ARHGAP30: variants seen among roughly 807,000 people sequenced by gnomAD.
The protein encoded by ARHGAP30 is rho GTPase-activating protein 30.
In ARHGAP30, 23 loss-of-function variants were observed where a neutral mutation model predicts 72.0. That is an observed-to-expected ratio of 0.32 (90% confidence interval 0.23 to 0.45). ARHGAP30 has a LOEUF of 0.45. Ranked by LOEUF, ARHGAP30 falls within the 20% of genes least tolerant of loss-of-function variation. The pLI, the probability that ARHGAP30 is intolerant of heterozygous loss-of-function variation, is 1.00. For missense variants in ARHGAP30, 1,319 were observed against 1,383.4 expected (o/e 0.95, Z 0.74); for synonymous variants, 576 against 528.2 (o/e 1.09, Z -1.24).
intron 6 of ARHGAP30, 34 bp from the exon 7 acceptor site, chr1:161,052,831 CA>C (rs1210980820): frequency 6.2e-7 from 1 of 1,602,804 alleles, no homozygotes; most frequent in Non-Finnish European, 8.5e-7. Flanking sequence ...CAGCCAGGAA[CA>C]GAGCCAAGAG....
In ARHGAP30 at chr1:161,062,202, A is replaced by G. The variant is rs185995201; in HGVS notation, c.98-2486T>C. 8.2e-4 allele frequency among the ~76,000 whole-genome samples: 124 copies of G among 152,028 alleles called. 2 individuals are homozygous for G. The highest frequency in any genetic ancestry group is 7.6e-3 in the Admixed American group (116 of 15,250). Reference sequence around the variant, plus strand: ...AGATCCTTTGCCTCGCATACACCCCACTCTGCCCCACTTTAATCCCCATTG... The same window carrying G: ...AGATCCTTTGCCTCGCATACACCCCGCTCTGCCCCACTTTAATCCCCATTG... On this transcript the variant is annotated intron_variant, in intron 1 of 11. Transcript: ENST00000368013.
chr1:161,049,923 A>G (rs1198989249), intron 10 of ARHGAP30, among the ~76,000 whole-genome samples: 1 of 152,204 alleles, frequency 6.6e-6, no homozygotes, highest in Non-Finnish European at 1.5e-5. Context: ...TTTTTCCTCC[A>G]AACTATTATG....
rs769508729 is a variant in ARHGAP30, at chr1:161,051,683, G to A, written c.1051C>T (p.Arg351Trp). 8 of 1,611,352 alleles carry A rather than the reference G, an allele frequency of 5.0e-6. No homozygotes were observed. The highest frequency in any genetic ancestry group is 2.2e-5 in the South Asian group (2 of 90,956). ...PEGLVGPSSP[R>W]PSPLLPESLE... Reference sequence around the variant, plus strand: ...CTCTCAGGCAGCAATGGGCTTGGCCGGGGGCTGCTGGGCCCCACCAGCCCC... The same window carrying A: ...CTCTCAGGCAGCAATGGGCTTGGCCAGGGGCTGCTGGGCCCCACCAGCCCC... The change falls in exon 10 of 12, where the codon CGG becomes TGG. Residue 351 changes from arginine to tryptophan, a missense_variant. By Grantham distance (101) the Arg-to-Trp change is moderately radical. Coordinates refer to ENST00000368013, the MANE Select transcript of ARHGAP30 (RefSeq NM_001025598.2).
chr1:161,051,746 A>G (rs754990848), intron 9 of ARHGAP30, 31 bp from the exon 10 acceptor site: 29 of 1,560,894 alleles, frequency 1.9e-5, no homozygotes, highest in Non-Finnish European at 2.3e-5. Context: ...CAGGTAGGCA[A>G]TAGCCTAAAC....
rs778633183 is a variant in ARHGAP30, at chr1:161,048,701, G to T, written c.2320C>A (p.Gln774Lys). ...TTCTCCTCAGCAACTTGATCTTCCT[G>T]GGCCCCTTGCTCTAGGTCCCTTCCA... ...EAGRDLEQGAQEDQVAEEKWE... is the reference protein window; with the variant it reads ...EAGRDLEQGAKEDQVAEEKWE... The change falls in exon 12 of 12, where the codon CAG (glutamine) becomes AAG (lysine). Residue 774 changes from glutamine to lysine, a missense_variant. Physicochemically the swap from Gln to Lys is moderately conservative, Grantham distance 53. Around this residue, in one of 2 missense-constraint regions of ARHGAP30, gnomAD observed 1,097 missense variants for 1,045.2 expected, o/e 1.05. Coordinates refer to ENST00000368013, the MANE Select transcript of ARHGAP30 (RefSeq NM_001025598.2). 1 of 1,613,822 alleles carries T rather than the reference G, an allele frequency of 6.2e-7. No homozygotes were observed. Among genetic ancestry groups the T allele is most frequent in the South Asian group, 1.1e-5 (1 of 91,064 alleles).
intron 5 of ARHGAP30, among the ~76,000 whole-genome samples, chr1:161,054,089 A>G (rs536730466): frequency 6.6e-6 from 1 of 152,270 alleles, no homozygotes; most frequent in South Asian, 2.1e-4. Flanking sequence ...AAAAATTGAT[A>G]TGGAACTGTT....
chr1:161,052,511 C>T lies in ARHGAP30; in HGVS notation c.869G>A (p.Arg290Lys). The T allele has an allele frequency of 6.2e-7, 1 of 1,613,978 alleles. No individual in the cohort carries two copies. Among genetic ancestry groups the T allele is most frequent in the Non-Finnish European group, 8.5e-7 (1 of 1,180,032 alleles). The change falls in exon 8 of 12, where the codon AGG becomes AAG. Residue 290 changes from arginine to lysine, a missense_variant. This residue lies in a region of ARHGAP30 where 1,097 missense variants were observed against 1,045.2 expected (regional missense o/e 1.05). Transcript: ENST00000368013. Reference sequence around the variant, plus strand: ...AGAGCGACCTAAATTGAAGATAGACCTCCACTTCCTGACCTTCAAAGACCC... The same window carrying T: ...AGAGCGACCTAAATTGAAGATAGACTTCCACTTCCTGACCTTCAAAGACCC... Reference protein sequence around the residue: ...RKGSLKVRKWRSIFNLGRSGH... With the variant: ...RKGSLKVRKWKSIFNLGRSGH...
Position 161,051,407 on chromosome 1 carries a change from G to A in ARHGAP30, c.1327C>T (p.Leu443Phe), listed in dbSNP as rs770231346. ...GCAGGGCACTCAAGGCCACGGGTGA[G>A]CCTGGCCAAGGAAACGTTAGAGATG... Reference protein sequence around the residue: ...NIISNVSLARLTRGLECPALQ... With the variant: ...NIISNVSLARFTRGLECPALQ... The change falls in exon 10 of 12, where the codon CTC becomes TTC. Residue 443 changes from leucine to phenylalanine, a missense_variant. Leu to Phe is a conservative substitution (Grantham distance 22). Coordinates refer to ENST00000368013, the MANE Select transcript of ARHGAP30 (RefSeq NM_001025598.2). 1 of 1,614,140 alleles carries A rather than the reference G, an allele frequency of 6.2e-7. No individual in the cohort carries two copies. The highest frequency in any genetic ancestry group is 1.1e-5 in the South Asian group (1 of 91,084).
intron 10 of ARHGAP30, among the ~76,000 whole-genome samples, chr1:161,050,594 C>T (rs1013861650): frequency 1.3e-5 from 2 of 151,704 alleles, no homozygotes; most frequent in Admixed American, 1.3e-4. Context: ...CAGGTGTGAG[C>T]CACCGTGCCT....
In ARHGAP30 at chr1:161,048,664, A is replaced by T. The variant is rs952294388; in HGVS notation, c.2357T>A (p.Val786Glu). 57 of 1,613,638 alleles carry T rather than the reference A, an allele frequency of 3.5e-5. No individual in the cohort carries two copies. Among genetic ancestry groups the T allele is most frequent in the Non-Finnish European group, 4.7e-5 (55 of 1,179,996 alleles). Residue 786 changes from valine (V) to glutamate (E), a missense_variant, in exon 12 of 12, where the codon GTA (valine) becomes GAA (glutamate). By Grantham distance (121) the Val-to-Glu change is moderately radical. Transcript: ENST00000368013. ...DQVAEEKWEV[V>E]QKQEAEGVRE... ...GACTCCCTCAGCCTCTTGTTTCTGT[A>T]CAACTTCCCATTTCTCCTCAGCAAC... is the stretch of plus-strand genomic sequence containing the variant.
chr1:161,048,220 A>T lies in ARHGAP30; in HGVS notation c.2801T>A (p.Val934Asp). The change falls in exon 12 of 12, where the codon GTC becomes GAC. Residue 934 changes from valine to aspartate, a missense_variant. Val to Asp is a radical substitution (Grantham distance 152). Transcript: ENST00000368013. ...LASTLVQVQQ[V>D]RSVPVVPPKP... ...GGGGGGCACCACAGGCACAGAGCGG[A>T]CCTGTTGGACCTGAACCAGAGTGGA... 6.2e-7 allele frequency: 1 copy of T among 1,614,124 alleles called. No homozygotes were observed. The highest frequency in any genetic ancestry group is 2.2e-5 in the East Asian group (1 of 44,884).
intron 1 of ARHGAP30, among the ~76,000 whole-genome samples, chr1:161,061,883 T>C (rs923399374): frequency 1.3e-5 from 2 of 151,846 alleles, no homozygotes; most frequent in Non-Finnish European, 1.5e-5. Flanking sequence ...AGGTCAGGAG[T>C]TCGAGACCAG....
At chr1:161,052,830 A>T (rs1571083290) in intron 6 of ARHGAP30, 33 bp from the exon 7 acceptor site, 1 of 1,603,380 alleles carries the variant, frequency 6.2e-7, no homozygotes, top group African/African-American at 1.3e-5. Context: ...CCAGCCAGGA[A>T]CAGAGCCAAG....
chr1:161,064,831 G>GAGAA (rs10603448), intron 1 of ARHGAP30, among the ~76,000 whole-genome samples: 1 of 73,890 alleles, frequency 1.4e-5, no homozygotes, highest in Non-Finnish European at 2.4e-5. Flanking sequence ...AAGAAAGAAA[G>GAGAA]AGAAAGAAAG....
At chr1:161,060,951 G>A (rs959890902) in intron 1 of ARHGAP30, among the ~76,000 whole-genome samples, 46 of 151,666 alleles carry the variant, frequency 3.0e-4, no homozygotes, top group Admixed American at 7.2e-4. Context: ...TATTTCGCCC[G>A]CCTCGGCCTC....
At chr1:161,054,103 T>C (rs190871496) in intron 5 of ARHGAP30, among the ~76,000 whole-genome samples, 2 of 152,240 alleles carry the variant, frequency 1.3e-5, no homozygotes, top group Non-Finnish European at 2.9e-5. Context: ...AACTGTTATG[T>C]TCCAGTCCCT....
In ARHGAP30 at chr1:161,049,220, C is replaced by G; in HGVS notation, c.1801G>C (p.Glu601Gln). The change falls in exon 12 of 12, where the codon GAG becomes CAG. Residue 601 changes from glutamate (E) to glutamine (Q), a missense_variant. Glu to Gln is a conservative substitution (Grantham distance 29). Transcript: ENST00000368013. ...LDSAGPRPEV[E>Q]EENGEEVFLS... ...AAAACTTCCTCCCCATTTTCCTCCT[C>G]AACTTCAGGCCTGGGGCCAGCGGAG... 1 of 1,614,138 alleles carries G rather than the reference C, an allele frequency of 6.2e-7. No homozygotes were observed. Among genetic ancestry groups the G allele is most frequent in the Non-Finnish European group, 8.5e-7 (1 of 1,179,988 alleles).
intron 5 of ARHGAP30, 82 bp downstream of exon 5, chr1:161,054,284 C>T: frequency 7.9e-7 from 1 of 1,271,186 alleles, no homozygotes; most frequent in Non-Finnish European, 1.1e-6. Flanking sequence ...TGTACCCACA[C>T]AGTCACACCT....
At chr1:161,053,114 A>G in intron 6 of ARHGAP30, 144 bp downstream of exon 6, 1 of 1,261,354 alleles carries the variant, frequency 7.9e-7, no homozygotes, top group Non-Finnish European at 1.1e-6. Context: ...CTGACTGCAC[A>G]ATTATCTCCC....
Sources: gnomAD v4.1 joint callset for allele counts (sites outside exome capture counted in the v4.1 genomes callset) on GRCh38, gnomAD v4.1.1 for gene constraint, gnomAD v4.1.1 regional missense constraint, MANE v1.5 for transcripts, NCBI Gene and HGNC (gene_info 2026-07-23, HGNC 2026-07-21) for gene names.